The following TYRO3 variants were observed in gnomAD, a reference collection of about 807,000 sequenced individuals.
TYRO3 encodes tyrosine-protein kinase receptor TYRO3.
A neutral mutation model predicts 95.2 loss-of-function variants in TYRO3; 38 were observed. The observed-to-expected ratio is 0.40, with a 90% CI of 0.31 to 0.52. The LOEUF (loss-of-function observed/expected upper bound fraction) is 0.52, where lower values mean the gene tolerates loss of function less well. Ranked by LOEUF, TYRO3 falls within the 20% of genes least tolerant of loss-of-function variation. The probability of loss-of-function intolerance (pLI) is 0.56; values close to 1 mark genes in which losing one functional copy is unlikely to be tolerated. For synonymous variants in TYRO3, 367 were observed against 432.9 expected (o/e 0.85, Z 1.89); for missense variants, 812 against 1,116.4 (o/e 0.73, Z 3.89).
intron 13 of TYRO3, 32 bp from the exon 14 acceptor site, chr15:41,571,563 T>C (rs2055795777): frequency 1.4e-6 from 2 of 1,451,544 alleles, no homozygotes; most frequent in Non-Finnish European, 1.9e-6. Context: ...ACATCTTGTT[T>C]TATTTCCTCC....
In TYRO3 at chr15:41,570,267, G is replaced by T. The variant is rs1383667743; in HGVS notation, c.1410G>T (p.Arg470=). The change falls in exon 11 of 19, where the codon CGG becomes CGT. Residue 470 remains arginine, a synonymous_variant. Transcript: ENST00000263798. ...FGQAFDSVMA[R]GEPAVHFRAA... ...AAGCCTTTGACAGTGTCATGGCCCG[G>T]GGAGAGCCAGCCGTTCACTTCCGGG... The T allele has an allele frequency of 6.2e-7, 1 of 1,614,164 alleles. No homozygotes were observed. Among genetic ancestry groups the T allele is most frequent in the Admixed American group, 1.7e-5 (1 of 60,018 alleles).
At chr15:41,559,553 C>T (rs1456081640) in intron 1 of TYRO3, among the ~76,000 whole-genome samples, 172 bp downstream of exon 1, 5 of 152,176 alleles carry the variant, frequency 3.3e-5, no homozygotes, top group Non-Finnish European at 5.9e-5. Flanking sequence ...CGCCAGATCT[C>T]CGGCCGGGCC....
rs768960378 is a variant in TYRO3 at position 41,578,162 on chromosome 15, C to T, written c.2559C>T (p.Pro853=). 16 of 1,613,806 alleles carry T rather than the reference C, an allele frequency of 9.9e-6. No individual in the cohort carries two copies. The highest frequency in any genetic ancestry group is 2.7e-5 in the African/African-American group (2 of 74,934). ...TPSDCRYILT[P]GGLAEQPGQA... ...GTGACTGTCGGTACATACTCACCCC[C>T]GGAGGGCTGGCTGAGCAGCCAGGGC... The change falls in exon 19 of 19, where the codon CCC becomes CCT. Residue 853 remains proline, a synonymous_variant. Coordinates refer to ENST00000263798, the MANE Select transcript of TYRO3 (RefSeq NM_006293.4).
rs1595508907 is a variant in TYRO3 at position 41,581,820 on chromosome 15, T to C, written c.*3544T>C. The C allele has an allele frequency of 2.2e-5, 2 of 89,594 alleles. No individual in the cohort carries two copies. The highest frequency in any genetic ancestry group is 4.0e-5 in the Non-Finnish European group (2 of 49,388). The allele number at this position is 89,594 out of a possible 1,614,324, so 5.5% of individuals were successfully genotyped here. ...TCCAGCCTGGGTGACAGAGCGAGAC[T>C]CCATCTCAAAAAAAAAAAAAAAAAA... On this transcript the variant is annotated 3_prime_UTR_variant, in exon 19 of 19. Transcript: ENST00000263798.
Position 41,571,686 on chromosome 15 carries a change from T to G in TYRO3, c.1752T>G (p.Val584=). The G allele has an allele frequency of 6.3e-7, 1 of 1,596,412 alleles. No homozygotes were observed. Among genetic ancestry groups the G allele is most frequent in the Non-Finnish European group, 8.6e-7 (1 of 1,164,448 alleles). The change falls in exon 14 of 19, where the codon GTT becomes GTG. Residue 584 remains valine, a splice_region_variant and synonymous_variant. Coordinates refer to ENST00000263798, the MANE Select transcript of TYRO3 (RefSeq NM_006293.4). The part of the protein sequence containing the change: ...EFDHPHVAKL[V]GVSLRSRAKG... ...ACCATCCACACGTGGCCAAACTTGT[T>G]GGTGAGCCCATTTTTGGGGGAGGCA...
chr15:41,564,760 C>G, intron 5 of TYRO3: 1 of 477,536 alleles, frequency 2.1e-6, no homozygotes, highest in Non-Finnish European at 3.9e-6. Flanking sequence ...CCCACATACC[C>G]TCTCATCTTA....
rs749741241 is a variant in TYRO3, at chr15:41,562,543, C to A, written c.410-5C>A. On this transcript the variant is annotated splice_polypyrimidine_tract_variant and splice_region_variant and intron_variant, in intron 3 of 18. Transcript: ENST00000263798. ...GGCTCACTCCTCACTCCCCTTCTCT[C>A]CTAGGTGTGCCATTTTTCACAGTGG... The A allele has an allele frequency of 2.2e-6, 3 of 1,386,150 alleles. No individual in the cohort carries two copies. Among genetic ancestry groups the A allele is most frequent in the Non-Finnish European group, 9.8e-7 (1 of 1,017,898 alleles). 85.9% of individuals were successfully genotyped at this position (1,386,150 alleles called of 1,614,324 possible). A position where few individuals can be genotyped will look rare whatever the true frequency, so the allele number is the denominator to read the frequency against.
In TYRO3 at chr15:41,571,702, G is replaced by C. The variant is rs553506916; in HGVS notation, c.1753+15G>C. ...CAAACTTGTTGGTGAGCCCATTTTT[G>C]GGGGAGGCAGATAGAGAATAGGGCT... On this transcript the variant is annotated intron_variant, in intron 14 of 18. Transcript: ENST00000263798. 3.6e-6 allele frequency: 4 copies of C among 1,112,290 alleles called. No individual in the cohort carries two copies. The highest frequency in any genetic ancestry group is 5.3e-6 in the Non-Finnish European group (4 of 755,168). The allele number at this position is 1,112,290 out of a possible 1,614,324, so 68.9% of individuals were successfully genotyped here.
intron 4 of TYRO3, 56 bp from the exon 5 acceptor site, chr15:41,564,128 T>A: frequency 6.7e-7 from 1 of 1,499,660 alleles, no homozygotes; most frequent in Non-Finnish European, 9.3e-7. Flanking sequence ...CCTTTCCCAG[T>A]CCCGCACTGA....
intron 12 of TYRO3, 40 bp downstream of exon 12, chr15:41,570,739 T>C (rs1378607397): frequency 1.5e-6 from 2 of 1,355,324 alleles, no homozygotes; most frequent in Admixed American, 1.8e-5. Flanking sequence ...GCTGGTTTGC[T>C]GTAGCTGGAA....
Position 41,582,268 on chromosome 15 carries a change from G to GC in TYRO3, c.*3993dup, listed in dbSNP as rs765849989. 2.6e-5 allele frequency: 4 copies of GC among 152,072 alleles called. No homozygotes were observed. Among genetic ancestry groups the GC allele is most frequent in the Non-Finnish European group, 5.9e-5 (4 of 68,022 alleles). 9.4% of individuals were successfully genotyped at this position (152,072 alleles called of 1,614,324 possible). ...GGTGGCTCACACCCGTAATCCCAGCGCTTTGGGAGGCCGAGGCGGGCGGAT... is the reference window on the plus strand; with the variant it reads ...GGTGGCTCACACCCGTAATCCCAGCGCCTTTGGGAGGCCGAGGCGGGCGGAT... On this transcript the variant is annotated 3_prime_UTR_variant, in exon 19 of 19. Coordinates refer to ENST00000263798, the MANE Select transcript of TYRO3 (RefSeq NM_006293.4).
intron 9 of TYRO3, 131 bp downstream of exon 9, chr15:41,569,153 G>T: frequency 8.9e-7 from 1 of 1,129,230 alleles, no homozygotes. Context: ...AGAAGTTGAG[G>T]CCAGGGCTGT....
intron 18 of TYRO3, among the ~76,000 whole-genome samples, chr15:41,575,117 C>T (rs963774924): frequency 2.0e-5 from 3 of 152,186 alleles, no homozygotes; most frequent in East Asian, 1.9e-4. Context: ...TCCAGAGGGC[C>T]GAGGTCATGG....
At chr15:41,565,363 G>A (rs1454415012) in intron 6 of TYRO3, among the ~76,000 whole-genome samples, 2 of 152,042 alleles carry the variant, frequency 1.3e-5, no homozygotes, top group Admixed American at 6.6e-5. Context: ...TCATAAGGTT[G>A]GAAAGCAGAT....
chr15:41,566,186 G>T (rs546396435), intron 6 of TYRO3, among the ~76,000 whole-genome samples: 1 of 152,038 alleles, frequency 6.6e-6, no homozygotes, highest in African/African-American at 2.4e-5. Context: ...AGTGGCATGC[G>T]CCTGTACTTC....
chr15:41,560,956 G>A lies in TYRO3; in HGVS notation c.125-171G>A, dbSNP rs1007966826. Reference sequence around the variant, plus strand: ...AGAGCTTGCCATGCCCCTTCCCTTCGCCCAGGTCCAGCGACCTTCCCTTCC... The same window carrying A: ...AGAGCTTGCCATGCCCCTTCCCTTCACCCAGGTCCAGCGACCTTCCCTTCC... On this transcript the variant is annotated intron_variant, in intron 1 of 18. Coordinates refer to ENST00000263798, the MANE Select transcript of TYRO3 (RefSeq NM_006293.4). 5.3e-5 allele frequency among the ~76,000 whole-genome samples: 8 copies of A among 152,162 alleles called. No homozygotes were observed. In the South Asian group the frequency reaches 1.4e-3, roughly 28 times the overall value.
chr15:41,564,483 A>G (rs1368188646), intron 5 of TYRO3, among the ~76,000 whole-genome samples: 1 of 152,130 alleles, frequency 6.6e-6, no homozygotes, highest in Non-Finnish European at 1.5e-5. Flanking sequence ...GTCACAGCAG[A>G]TTTCCCATCA....
chr15:41,562,834 GT>G lies in TYRO3; in HGVS notation c.580+117del, dbSNP rs1033425508. ...TTGTGAGCGTCCAGAGCAAGCCCCA[GT>G]GTCTGGGGACGTGAGCTGCACCATT... On this transcript the variant is annotated intron_variant, in intron 4 of 18. Transcript: ENST00000263798. 3.2e-5 allele frequency: 35 copies of G among 1,088,890 alleles called. No homozygotes were observed. The Admixed American group carries it at 8.0e-4, about 25-fold the overall frequency. 67.5% of individuals were successfully genotyped at this position (1,088,890 alleles called of 1,614,324 possible).
intron 1 of TYRO3, 84 bp downstream of exon 1, chr15:41,559,465 G>C (rs2052133078): frequency 2.7e-5 from 8 of 291,796 alleles, no homozygotes; most frequent in Non-Finnish European, 5.1e-5. Flanking sequence ...CGGGCCTGGC[G>C]GGCTGGAGTC....
Sources: gnomAD v4.1 joint callset for allele counts (sites outside exome capture counted in the v4.1 genomes callset) on GRCh38, gnomAD v4.1.1 for gene constraint, MANE v1.5 for transcripts, NCBI Gene and HGNC (gene_info 2026-07-23, HGNC 2026-07-21) for gene names.